Variants in NPEPPS observed in about 807,000 individuals in gnomAD.
The protein encoded by NPEPPS is aminopeptidase puromycin sensitive.
In NPEPPS, 14 loss-of-function variants were observed where a neutral mutation model predicts 115.5. That is an observed-to-expected ratio of 0.12 (90% CI 0.08 to 0.19). The LOEUF (loss-of-function observed/expected upper bound fraction) is 0.19. NPEPPS is among the 10% of genes least tolerant of loss of function. NPEPPS has a pLI of 1.00. For missense variants in NPEPPS, 523 were observed against 1,110.8 expected (o/e 0.47, Z 7.52); for synonymous variants, 285 against 390.6 (o/e 0.73, Z 3.19).
intron 5 of NPEPPS, among the ~76,000 whole-genome samples, chr17:47,583,286 A>G (rs1435854714): frequency 6.6e-6 from 1 of 152,156 alleles, no homozygotes; most frequent in Non-Finnish European, 1.5e-5. Context: ...TATAGTAACT[A>G]AAAGCAAAAG....
chr17:47,583,587 A>G (rs1428735100), intron 5 of NPEPPS, among the ~76,000 whole-genome samples: 1 of 141,798 alleles, frequency 7.1e-6, no homozygotes, highest in Non-Finnish European at 1.5e-5. Context: ...CCTATCTCAG[A>G]AAAAAAAAAA....
At chr17:47,535,029 G>T (rs1908098747) in intron 1 of NPEPPS, among the ~76,000 whole-genome samples, 1 of 151,130 alleles carries the variant, frequency 6.6e-6, no homozygotes, top group South Asian at 2.1e-4. Context: ...CGGATCACGA[G>T]GTCAGGAGAT....
intron 1 of NPEPPS, among the ~76,000 whole-genome samples, chr17:47,535,226 G>A (rs1437269209): frequency 2.0e-5 from 2 of 100,796 alleles, no homozygotes; most frequent in African/African-American, 8.1e-5. Flanking sequence ...CTGGGCAACA[G>A]AGCAAGACTC....
chr17:47,561,575 A>G (rs984471398), intron 2 of NPEPPS, among the ~76,000 whole-genome samples: 5 of 152,200 alleles, frequency 3.3e-5, no homozygotes, highest in African/African-American at 2.4e-5. Context: ...GGTCTTTTGT[A>G]ATAATGTTGG....
At chr17:47,592,209 T>C (rs1912550370) in intron 11 of NPEPPS, 149 bp downstream of exon 11, 1 of 675,080 alleles carries the variant, frequency 1.5e-6, no homozygotes, top group Non-Finnish European at 2.5e-6. Flanking sequence ...GAGAATTCAA[T>C]TATTTGAAGT....
At chr17:47,594,412 CTTT>C (rs112592322) in intron 12 of NPEPPS, among the ~76,000 whole-genome samples, 8 of 127,976 alleles carry the variant, frequency 6.3e-5, no homozygotes, top group Admixed American at 8.1e-5. Flanking sequence ...CTTTTCAATT[CTTT>C]TTTTTTTTTT....
intron 1 of NPEPPS, among the ~76,000 whole-genome samples, chr17:47,524,230 C>T (rs1234672972): frequency 6.6e-6 from 1 of 151,762 alleles, no homozygotes; most frequent in African/African-American, 2.4e-5. Context: ...TCGCTTGAAC[C>T]CCCGGGAGGC....
intron 2 of NPEPPS, among the ~76,000 whole-genome samples, chr17:47,561,605 G>A (rs948484627): frequency 6.6e-6 from 1 of 152,164 alleles, no homozygotes; most frequent in Non-Finnish European, 1.5e-5. Context: ...AACCTCAGAA[G>A]CAGGCTTCAG....
chr17:47,561,011 G>C (rs1280470300), intron 2 of NPEPPS, among the ~76,000 whole-genome samples: 2 of 152,170 alleles, frequency 1.3e-5, no homozygotes, highest in Non-Finnish European at 2.9e-5. Context: ...TGGCACTTCT[G>C]ATATTGAAAT....
rs921607673 is a variant in NPEPPS, at chr17:47,602,322, C to CT, written c.1740+583dup. ...TTATACATTGTATCAGACATTTGTG[C>CT]TTTTTTTTAAAAAAAAGCCCGCCGA... is the stretch of plus-strand genomic sequence containing the variant. On this transcript the variant is annotated intron_variant, in intron 15 of 22. Coordinates refer to ENST00000322157, the MANE Select transcript of NPEPPS (RefSeq NM_006310.4). Among the ~76,000 whole-genome samples, 704 of 151,794 alleles carry CT rather than the reference C, an allele frequency of 4.6e-3. 8 individuals carry two copies. The highest frequency in any genetic ancestry group is 0.016 in the African/African-American group (680 of 41,396).
chr17:47,554,850 C>CAT lies in NPEPPS; in HGVS notation c.340+8865_340+8866dup, dbSNP rs371159196. Reference sequence around the variant, plus strand: ...ACTAGGTGCCTAATGGGCTGGGTGGCATATATATACAGCATGGATAGGTCG... The same window carrying CAT: ...ACTAGGTGCCTAATGGGCTGGGTGGCATATATATATACAGCATGGATAGGTCG... On this transcript the variant is annotated intron_variant, in intron 2 of 22. Transcript: ENST00000322157. Among the ~76,000 whole-genome samples, 60 of 152,176 alleles carry CAT rather than the reference C, an allele frequency of 3.9e-4. 1 individual carries two copies. The highest frequency in any genetic ancestry group is 1.3e-3 in the African/African-American group (55 of 41,510).
chr17:47,552,325 T>C (rs547254767), intron 2 of NPEPPS, among the ~76,000 whole-genome samples: 1 of 152,322 alleles, frequency 6.6e-6, no homozygotes, highest in Admixed American at 6.5e-5. Context: ...GATAGATCCA[T>C]TCTCAAATAA....
At chr17:47,558,118 A>T (rs1910179158) in intron 2 of NPEPPS, among the ~76,000 whole-genome samples, 1 of 151,264 alleles carries the variant, frequency 6.6e-6, no homozygotes, top group Non-Finnish European at 1.5e-5. Flanking sequence ...TATTTGTATT[A>T]ATTAATTAAT....
At chr17:47,565,001 A>C (rs1399020677) in intron 2 of NPEPPS, among the ~76,000 whole-genome samples, 1 of 152,208 alleles carries the variant, frequency 6.6e-6, no homozygotes, top group Admixed American at 6.5e-5. Flanking sequence ...GAAGTGATTC[A>C]TTCATTCTAC....
intron 2 of NPEPPS, among the ~76,000 whole-genome samples, chr17:47,548,025 C>A (rs542666806): frequency 2.0e-5 from 3 of 151,910 alleles, no homozygotes; most frequent in African/African-American, 7.2e-5. Context: ...GACTCCGTCT[C>A]AAAAAAATAA....
At chr17:47,581,320 A>G (rs891875854) in intron 4 of NPEPPS, 2 of 152,122 alleles carry the variant, frequency 1.3e-5, no homozygotes, top group African/African-American at 4.8e-5. Context: ...TGATTTTTAG[A>G]TTCCGATAAT....
chr17:47,556,810 A>G (rs927500684), intron 2 of NPEPPS, among the ~76,000 whole-genome samples: 5 of 152,086 alleles, frequency 3.3e-5, no homozygotes, highest in African/African-American at 1.2e-4. Flanking sequence ...CGCCCGGCTA[A>G]TTTTTGTATT....
chr17:47,594,755 C>T (rs2143888865), intron 12 of NPEPPS, among the ~76,000 whole-genome samples: 1 of 151,440 alleles, frequency 6.6e-6, no homozygotes, highest in Middle Eastern at 3.4e-3. Flanking sequence ...GCCTCAGCCT[C>T]CCGAGTAGCT....
rs1173846090 is a variant in NPEPPS, at chr17:47,594,591, T to TTTATTTTATG, written c.1427-1758_1427-1757insTTTATGTTAT. Among the ~76,000 whole-genome samples the TTTATTTTATG allele has an allele frequency of 2.7e-4, 38 of 138,296 alleles. 1 individual carries two copies. The highest frequency in any genetic ancestry group is 3.7e-3 in the Middle Eastern group (1 of 272). The allele number at this position is 138,296 out of a possible 152,430, so 90.7% of individuals were successfully genotyped here. ...ACGGCCGGCTAATTTTGTATTTTAT[T>TTTATTTTATG]TTATGTTATGTTATGTTATGTTATG... On this transcript the variant is annotated intron_variant, in intron 12 of 22. Transcript: ENST00000322157.
Sources: gnomAD v4.1 joint callset for allele counts (sites outside exome capture counted in the v4.1 genomes callset) on GRCh38, gnomAD v4.1.1 for gene constraint, MANE v1.5 for transcripts, NCBI Gene and HGNC (gene_info 2026-07-23, HGNC 2026-07-21) for gene names.